The following TMEM132D variants were observed in gnomAD, a reference collection of about 807,000 sequenced individuals.
TMEM132D encodes the protein transmembrane protein 132D.
A neutral mutation model predicts 62.3 loss-of-function variants in TMEM132D; 21 were observed. The ratio of observed to expected loss-of-function variants is 0.34; its 90% CI spans 0.24 to 0.49. The LOEUF (loss-of-function observed/expected upper bound fraction) is 0.49, where lower values mean the gene tolerates loss of function less well. Ranked by LOEUF, TMEM132D falls within the 20% of genes least tolerant of loss-of-function variation. TMEM132D has a pLI of 0.99. For missense variants in TMEM132D, 1,346 were observed against 1,402.8 expected (o/e 0.96, Z 0.65); for synonymous variants, 621 against 575.6 (o/e 1.08, Z -1.13).
At chr12:129,255,079 C>T (rs906542249) in intron 4 of TMEM132D, among the ~76,000 whole-genome samples, 10 of 152,248 alleles carry the variant, frequency 6.6e-5, no homozygotes, top group Non-Finnish European at 1.0e-4. Flanking sequence ...GCACCTCCCC[C>T]GCTCTCTCTT....
intron 3 of TMEM132D, among the ~76,000 whole-genome samples, chr12:129,486,645 G>A (rs971193278): frequency 9.2e-5 from 14 of 152,142 alleles, no homozygotes; most frequent in African/African-American, 2.4e-4. Flanking sequence ...GTCATACCAC[G>A]GATGTGAGGA....
intron 2 of TMEM132D, among the ~76,000 whole-genome samples, chr12:129,681,783 T>G (rs1474040942): frequency 6.6e-6 from 1 of 152,172 alleles, no homozygotes; most frequent in Non-Finnish European, 1.5e-5. Flanking sequence ...CAACACACTC[T>G]CATCCCACCT....
chr12:129,350,990 T>C (rs550303764), intron 3 of TMEM132D, among the ~76,000 whole-genome samples: 5 of 152,288 alleles, frequency 3.3e-5, no homozygotes, highest in African/African-American at 1.2e-4. Context: ...GCCTCAATAA[T>C]AGTCACCACC....
intron 3 of TMEM132D, among the ~76,000 whole-genome samples, chr12:129,391,979 A>T (rs543087715): frequency 6.6e-6 from 1 of 151,710 alleles, no homozygotes; most frequent in Non-Finnish European, 1.5e-5. Flanking sequence ...CTGGTCTCGA[A>T]CTCCTGACCT....
At chr12:129,423,955 T>C (rs943173544) in intron 3 of TMEM132D, among the ~76,000 whole-genome samples, 1 of 152,208 alleles carries the variant, frequency 6.6e-6, no homozygotes, top group Non-Finnish European at 1.5e-5. Flanking sequence ...CCAGGTAGCT[T>C]TGGCTGAGAA....
chr12:129,177,116 TAACTA>T (rs1178355848), intron 5 of TMEM132D, among the ~76,000 whole-genome samples: 1 of 151,982 alleles, frequency 6.6e-6, no homozygotes, highest in African/African-American at 2.4e-5. Flanking sequence ...AATGGGGAAT[TAACTA>T]GACAAAAGAA....
Position 129,665,455 on chromosome 12 carries a change from A to G in TMEM132D, c.968+34355T>C, listed in dbSNP as rs575258367. Among the ~76,000 whole-genome samples, 4 of 152,252 alleles carry G rather than the reference A, an allele frequency of 2.6e-5. No individual in the cohort carries two copies. In the South Asian group the frequency reaches 8.3e-4, roughly 32 times the overall value. Reference sequence around the variant, plus strand: ...GCGTGGGCAAAGACGAAACCAGACAAAAGGCCATCTTTGCGGAAAATTAAA... The same window carrying G: ...GCGTGGGCAAAGACGAAACCAGACAGAAGGCCATCTTTGCGGAAAATTAAA... On this transcript the variant is annotated intron_variant, in intron 2 of 8. Transcript: ENST00000422113.
At chr12:129,347,107 G>A (rs757166442) in intron 3 of TMEM132D, among the ~76,000 whole-genome samples, 7 of 152,012 alleles carry the variant, frequency 4.6e-5, no homozygotes, top group Non-Finnish European at 8.8e-5. Context: ...AGAAAGAATC[G>A]GTATCGTGAA....
At chr12:129,625,269 A>G (rs1157979778) in intron 2 of TMEM132D, among the ~76,000 whole-genome samples, 3 of 152,232 alleles carry the variant, frequency 2.0e-5, no homozygotes, top group Admixed American at 6.5e-5. Context: ...TCTTTTCAAT[A>G]TCATCAAGTT....
At chr12:129,591,926 G>C (rs1878201489) in intron 2 of TMEM132D, among the ~76,000 whole-genome samples, 1 of 152,058 alleles carries the variant, frequency 6.6e-6, no homozygotes, top group African/African-American at 2.4e-5. Flanking sequence ...GGGTCCAATT[G>C]ACAGTAAAAT....
At chr12:129,408,258 T>C (rs1048459024) in intron 3 of TMEM132D, among the ~76,000 whole-genome samples, 21 of 152,234 alleles carry the variant, frequency 1.4e-4, no homozygotes, top group African/African-American at 4.8e-4. Context: ...CTATAACTAA[T>C]TGTGGCTATT....
rs534656221 is a variant in TMEM132D at position 129,602,923 on chromosome 12, G to C, written c.969-71718C>G. Among the ~76,000 whole-genome samples, 3 of 152,204 alleles carry C rather than the reference G, an allele frequency of 2.0e-5. No individual in the cohort carries two copies. In the East Asian group the frequency reaches 5.8e-4, roughly 29 times the overall value. ...ACGATGGAGAGGTGCTGAGCAAAAG[G>C]GTTGGAAAAGCCCCTAATAAAACCA... On this transcript the variant is annotated intron_variant, in intron 2 of 8. Coordinates refer to ENST00000422113, the MANE Select transcript of TMEM132D (RefSeq NM_133448.3).
At chr12:129,487,445 G>T (rs756476403) in intron 3 of TMEM132D, among the ~76,000 whole-genome samples, 9 of 152,306 alleles carry the variant, frequency 5.9e-5, no homozygotes, top group African/African-American at 2.2e-4. Flanking sequence ...AGGAAGACTG[G>T]TTAGGACAAT....
In TMEM132D at chr12:129,209,652, G is replaced by T. The variant is rs767087103; in HGVS notation, c.1311C>A (p.Ile437=). Residue 437 remains isoleucine (I), a synonymous_variant, in exon 5 of 9, where the codon ATC becomes ATA. Coordinates refer to ENST00000422113, the MANE Select transcript of TMEM132D (RefSeq NM_133448.3). ...GVVPLAMEAE[I]LNTAILTGKT... ...TCCCCGTGAGGATGGCTGTGTTCAG[G>T]ATTTCTGCCTCCTGGAAGACCAAAC... The T allele has an allele frequency of 1.2e-5, 19 of 1,614,148 alleles. No individual in the cohort carries two copies. The highest frequency in any genetic ancestry group is 1.6e-5 in the Non-Finnish European group (19 of 1,180,028).
At position 129,073,823 on chromosome 12, in the gene TMEM132D, T is replaced by C; in HGVS notation, c.*52A>G. Reference sequence around the variant, plus strand: ...CCGGGGGCACCGTTGCTACACATCCTGGAATTAAAGGCTGAAAGGTGAGTG... The same window carrying C: ...CCGGGGGCACCGTTGCTACACATCCCGGAATTAAAGGCTGAAAGGTGAGTG... On this transcript the variant is annotated 3_prime_UTR_variant, in exon 9 of 9. Transcript: ENST00000422113. 6.8e-7 allele frequency: 1 copy of C among 1,462,094 alleles called. No individual in the cohort carries two copies. Among genetic ancestry groups the C allele is most frequent in the East Asian group, 2.3e-5 (1 of 43,740 alleles). 90.6% of individuals were successfully genotyped at this position (1,462,094 alleles called of 1,614,324 possible). A position where few individuals can be genotyped will look rare whatever the true frequency, so the allele number is the denominator to read the frequency against.
At chr12:129,660,628 C>A (rs1345009445) in intron 2 of TMEM132D, among the ~76,000 whole-genome samples, 1 of 152,066 alleles carries the variant, frequency 6.6e-6, no homozygotes, top group African/African-American at 2.4e-5. Context: ...CGCCATGAAG[C>A]CTGCATGTAA....
chr12:129,800,752 C>T (rs61942077), intron 1 of TMEM132D, among the ~76,000 whole-genome samples: 12,419 of 152,168 alleles, frequency 0.082, 540 homozygotes, highest in Non-Finnish European at 0.097. Flanking sequence ...CTACAGCTCC[C>T]AGCGAGAGCG....
intron 2 of TMEM132D, among the ~76,000 whole-genome samples, chr12:129,644,393 G>A (rs2137177542): frequency 6.6e-6 from 1 of 152,214 alleles, no homozygotes; most frequent in South Asian, 2.1e-4. Context: ...ATATTTCCAT[G>A]ACAGCCTCAC....
chr12:129,745,541 T>A (rs1392843445), intron 1 of TMEM132D, among the ~76,000 whole-genome samples: 1 of 152,108 alleles, frequency 6.6e-6, no homozygotes, highest in Admixed American at 6.5e-5. Flanking sequence ...CCCCCCTCTA[T>A]CTCTTACTAA....
Sources: allele counts gnomAD v4.1 joint callset (sites outside exome capture counted in the v4.1 genomes callset), GRCh38; gene constraint gnomAD v4.1.1; transcripts MANE v1.5; gene names NCBI Gene and HGNC (gene_info 2026-07-23, HGNC 2026-07-21).